The following DDX19A variants were observed in gnomAD, a reference collection of about 807,000 sequenced individuals.
DDX19A encodes the protein ATP-dependent RNA helicase DDX19A.
DDX19A carries 12 observed loss-of-function variants against 60.6 expected under a neutral mutation model. The observed-to-expected ratio is 0.20, with a 90% CI of 0.13 to 0.32. DDX19A has a LOEUF of 0.32. Ranked by LOEUF, DDX19A falls within the 10% of genes least tolerant of loss-of-function variation. The pLI, the probability that DDX19A is intolerant of heterozygous loss-of-function variation, is 1.00. For synonymous variants in DDX19A, 206 were observed against 218.2 expected (o/e 0.94, Z 0.49); for missense variants, 337 against 600.6 (o/e 0.56, Z 4.59).
At position 70,351,846 on chromosome 16, in the gene DDX19A, T is replaced by A. The variant is rs1051899131; in HGVS notation, c.106+1241T>A. Reference sequence around the variant, plus strand: ...CCCGGCCAATTTTATTTTATTTTTTTAAATAAAATCCAGATCCTGCATGAG... The same window carrying A: ...CCCGGCCAATTTTATTTTATTTTTTAAAATAAAATCCAGATCCTGCATGAG... On this transcript the variant is annotated intron_variant, in intron 2 of 11. Transcript: ENST00000302243. 5.6e-4 allele frequency among the ~76,000 whole-genome samples: 85 copies of A among 152,214 alleles called. 2 individuals carry two copies. The highest frequency in any genetic ancestry group is 2.0e-3 in the African/African-American group (82 of 41,556).
At chr16:70,366,903 A>G (rs766817872) in intron 9 of DDX19A, 42 bp downstream of exon 9, 2 of 1,611,214 alleles carry the variant, frequency 1.2e-6, no homozygotes, top group Non-Finnish European at 1.7e-6. Context: ...CCTCCCTCTC[A>G]GCCAGCTCCC....
chr16:70,362,186 A>C (rs1353680842), intron 5 of DDX19A, among the ~76,000 whole-genome samples: 1 of 149,822 alleles, frequency 6.7e-6, no homozygotes, highest in African/African-American at 2.5e-5. Flanking sequence ...AAAAAAAAAA[A>C]CTAAACTAAA....
intron 3 of DDX19A, chr16:70,355,909 C>T: frequency 1.5e-6 from 1 of 662,526 alleles, no homozygotes; most frequent in Non-Finnish European, 2.5e-6. Context: ...CTACAGTGAG[C>T]TCTGATTGCT....
chr16:70,367,827 A>T (rs1964563600), intron 9 of DDX19A, among the ~76,000 whole-genome samples: 1 of 151,654 alleles, frequency 6.6e-6, no homozygotes, highest in South Asian at 2.1e-4. Flanking sequence ...CAGTGAGCTG[A>T]GATCGTGCCC....
chr16:70,371,359 C>G lies in DDX19A; in HGVS notation c.1184-13C>G. ...TCCTTAGTCCTCTCAGCCTCCAACTCTCCTTCCTGCAGGCATTGATGTTGA... is the reference window on the plus strand; with the variant it reads ...TCCTTAGTCCTCTCAGCCTCCAACTGTCCTTCCTGCAGGCATTGATGTTGA... On this transcript the variant is annotated splice_polypyrimidine_tract_variant and intron_variant, in intron 10 of 11. Coordinates refer to ENST00000302243, the MANE Select transcript of DDX19A (RefSeq NM_018332.5). 6.2e-7 allele frequency: 1 copy of G among 1,614,054 alleles called. No individual in the cohort carries two copies. The highest frequency in any genetic ancestry group is 8.5e-7 in the Non-Finnish European group (1 of 1,179,988).
Position 70,361,409 on chromosome 16 carries a change from G to A in DDX19A, c.294-9G>A, listed in dbSNP as rs750752749. The A allele has an allele frequency of 2.5e-6, 4 of 1,607,176 alleles. No homozygotes were observed. In the South Asian group the frequency reaches 3.3e-5, roughly 13 times the overall value. On this transcript the variant is annotated splice_polypyrimidine_tract_variant and intron_variant, in intron 4 of 11. Coordinates refer to ENST00000302243, the MANE Select transcript of DDX19A (RefSeq NM_018332.5). ...TAGGCATCCATCCTCTGTCTTCCTG[G>A]CTTCCTAGGAAACCACAGCTTCTCC...
At chr16:70,358,474 A>G (rs915262993) in intron 4 of DDX19A, among the ~76,000 whole-genome samples, 2 of 146,706 alleles carry the variant, frequency 1.4e-5, no homozygotes, top group Non-Finnish European at 3.0e-5. Flanking sequence ...CTGGCCCAAT[A>G]ACTTTTTTTT....
chr16:70,364,773 T>A, intron 6 of DDX19A, 128 bp downstream of exon 6: 1 of 745,942 alleles, frequency 1.3e-6, no homozygotes, highest in Non-Finnish European at 2.3e-6. Context: ...AGCAAGTTCC[T>A]ACACCAGGCC....
At position 70,349,057 on chromosome 16, in the gene DDX19A, G is replaced by A. The variant is rs149252839; in HGVS notation, c.58-1500G>A. On this transcript the variant is annotated intron_variant, in intron 1 of 11. Transcript: ENST00000302243. ...GTCCCCAAGAGATGCCAGGTTTGAC[G>A]ATTTGTTAGGAGAACTCACAGGCTC... 4.9e-3 allele frequency among the ~76,000 whole-genome samples: 746 copies of A among 152,286 alleles called. 13 individuals are homozygous for A. The highest frequency in any genetic ancestry group is 0.017 in the African/African-American group (691 of 41,564).
At chr16:70,355,569 G>A (rs755022029) in intron 3 of DDX19A, 34 bp downstream of exon 3, 19 of 1,592,282 alleles carry the variant, frequency 1.2e-5, no homozygotes, top group South Asian at 7.7e-5. Context: ...GCAAGAGACG[G>A]TATGACCCAG....
At chr16:70,370,102 C>T in intron 9 of DDX19A, 121 bp from the exon 10 acceptor site, 4 of 1,365,020 alleles carry the variant, frequency 2.9e-6, no homozygotes, top group East Asian at 2.5e-5. Context: ...GAAGCCAAGG[C>T]AGGATAATGA....
intron 4 of DDX19A, 87 bp from the exon 5 acceptor site, chr16:70,361,331 T>A: frequency 9.8e-7 from 1 of 1,023,972 alleles, no homozygotes; most frequent in Non-Finnish European, 1.5e-6. Flanking sequence ...GAGGCATCAT[T>A]CCTTTCTATA....
chr16:70,357,112 G>C (rs1964218305), intron 4 of DDX19A, among the ~76,000 whole-genome samples: 1 of 151,112 alleles, frequency 6.6e-6, no homozygotes, highest in Non-Finnish European at 1.5e-5. Flanking sequence ...AACTTAGCCA[G>C]GTGTGATATC....
At chr16:70,355,087 T>C (rs1343786317) in intron 2 of DDX19A, among the ~76,000 whole-genome samples, 2 of 152,166 alleles carry the variant, frequency 1.3e-5, no homozygotes, top group East Asian at 1.9e-4. Context: ...AAAATAACTT[T>C]TCAGGCTGGA....
At chr16:70,356,352 G>A (rs1445688019) in intron 4 of DDX19A, 105 bp downstream of exon 4, 4 of 1,518,408 alleles carry the variant, frequency 2.6e-6, no homozygotes, top group Non-Finnish European at 3.6e-6. Context: ...AAAATTTAGT[G>A]TATTTTTTCC....
At chr16:70,360,495 T>TTTTTG (rs150346969) in intron 4 of DDX19A, among the ~76,000 whole-genome samples, 62 of 151,100 alleles carry the variant, frequency 4.1e-4, no homozygotes, top group Non-Finnish European at 7.1e-4. Flanking sequence ...TCATTTTTCT[T>TTTTTG]TTTTGTTTTG....
intron 4 of DDX19A, 131 bp downstream of exon 4, chr16:70,356,378 C>A: frequency 1.4e-6 from 2 of 1,388,806 alleles, no homozygotes; most frequent in Non-Finnish European, 1.9e-6. Flanking sequence ...TTTTTCGAGA[C>A]AGAGTTTCGC....
intron 1 of DDX19A, among the ~76,000 whole-genome samples, chr16:70,349,331 C>T (rs1338737415): frequency 1.3e-5 from 2 of 152,138 alleles, no homozygotes; most frequent in African/African-American, 4.8e-5. Context: ...GTCATATAGT[C>T]ACCCTGTGCC....
chr16:70,349,206 C>T (rs190554579), intron 1 of DDX19A, among the ~76,000 whole-genome samples: 1 of 152,244 alleles, frequency 6.6e-6, no homozygotes, highest in African/African-American at 2.4e-5. Flanking sequence ...AGTTATCTCC[C>T]AATGGAGTCC....
Sources: gnomAD v4.1 joint callset for allele counts (sites outside exome capture counted in the v4.1 genomes callset) on GRCh38, gnomAD v4.1.1 for gene constraint, MANE v1.5 for transcripts, NCBI Gene and HGNC (gene_info 2026-07-23, HGNC 2026-07-21) for gene names.